The following LPIN1 variants were observed in gnomAD, a reference collection of about 807,000 sequenced individuals.
The protein encoded by LPIN1 is phosphatidate phosphatase LPIN1.
In LPIN1, 71 loss-of-function variants were observed where a neutral mutation model predicts 107.5. The observed-to-expected ratio is 0.66, with a 90% CI of 0.55 to 0.80. The LOEUF (loss-of-function observed/expected upper bound fraction) is 0.80. LPIN1 is among the 30% of genes least tolerant of loss of function. The pLI, the probability that LPIN1 is intolerant of heterozygous loss-of-function variation, is 0.00. For missense variants in LPIN1, 1,043 were observed against 1,160.6 expected (o/e 0.90, Z 1.47); for synonymous variants, 445 against 452.6 (o/e 0.98, Z 0.21).
chr2:11,699,154 ATTC>A (rs909767739), intron 1 of LPIN1, among the ~76,000 whole-genome samples: 36 of 152,230 alleles, frequency 2.4e-4, no homozygotes, highest in Admixed American at 3.9e-4. Flanking sequence ...GCCCAAGACA[ATTC>A]TTCTTCCAAT....
At chr2:11,769,005 G>A (rs11688529) in intron 3 of LPIN1, among the ~76,000 whole-genome samples, 26,907 of 152,116 alleles carry the variant, frequency 0.18, 2,476 homozygotes, top group Middle Eastern at 0.21. Context: ...CCTTGTAGCC[G>A]TTGTAAACAA....
At chr2:11,745,652 G>T (rs922982562), upstream of LPIN1, among the ~76,000 whole-genome samples, 3 of 152,256 alleles carry the variant, frequency 2.0e-5, no homozygotes, top group African/African-American at 7.2e-5. Context: ...GAAGGCTGCA[G>T]TGAACCGAGA....
rs945533261 is a variant in LPIN1, at chr2:11,803,617, T to C, written c.2013+584T>C. On this transcript the variant is annotated intron_variant, in intron 15 of 20. Transcript: ENST00000674199. The surrounding 1 kb of genome is among the most constrained non-coding windows in gnomAD (Gnocchi z 4.2). ...CTTGTGCATTTCTCCTAAGAGTTAG[T>C]GGGGAGCCTGGCTCAAGTGTGAGGG... Among the ~76,000 whole-genome samples, 1 of 152,142 alleles carries C rather than the reference T, an allele frequency of 6.6e-6. No individual in the cohort carries two copies. The highest frequency in any genetic ancestry group is 2.4e-5 in the African/African-American group (1 of 41,430).
At chr2:11,791,109 T>A (rs1336578049) in intron 12 of LPIN1, among the ~76,000 whole-genome samples, 1 of 152,226 alleles carries the variant, frequency 6.6e-6, no homozygotes, top group Non-Finnish European at 1.5e-5. Flanking sequence ...GCAGTTGGGT[T>A]TTCTTTTGTG....
intron 4 of LPIN1, among the ~76,000 whole-genome samples, chr2:11,772,271 G>T (rs1294292782): frequency 1.3e-5 from 2 of 152,312 alleles, no homozygotes; most frequent in East Asian, 3.9e-4. Context: ...ACAGGGGCAT[G>T]GACCCCAGGG....
intron 1 of LPIN1, among the ~76,000 whole-genome samples, chr2:11,735,116 A>AC (rs377608580): frequency 6.6e-6 from 1 of 152,036 alleles, no homozygotes; most frequent in Non-Finnish European, 1.5e-5. Flanking sequence ...ACACGGTGAA[A>AC]CCCCGTCTCT....
intron 17 of LPIN1, among the ~76,000 whole-genome samples, chr2:11,810,994 TC>T (rs1679550702): frequency 6.6e-6 from 1 of 152,180 alleles, no homozygotes. Flanking sequence ...AGAGCCCTGT[TC>T]CAGTTGCTGA....
intron 1 of LPIN1, chr2:11,764,076 G>GTATA (rs755597832): frequency 0.033 from 1,890 of 57,286 alleles, 54 homozygotes; most frequent in African/African-American, 0.13. Context: ...GTGTGTGTGT[G>GTATA]TGTATATATA....
chr2:11,691,661 G>T (rs527476965), intron 1 of LPIN1, among the ~76,000 whole-genome samples: 138 of 152,274 alleles, frequency 9.1e-4, no homozygotes, highest in African/African-American at 3.1e-3. Flanking sequence ...TGGATCAGAG[G>T]GGGTGATTCA....
At chr2:11,741,479 T>A (rs1666354975) in intron 2 of LPIN1, 4 of 1,343,016 alleles carry the variant, frequency 3.0e-6, no homozygotes. Context: ...TTATGACCAT[T>A]AGATAAATAA....
intron 13 of LPIN1, 95 bp from the exon 14 acceptor site, chr2:11,795,313 G>C: frequency 1.0e-6 from 1 of 982,802 alleles, no homozygotes; most frequent in Non-Finnish European, 1.6e-6. Context: ...TATCTTTAGG[G>C]GTCCTGCCTT....
chr2:11,749,156 C>T (rs1446977521), intron 1 of LPIN1, among the ~76,000 whole-genome samples: 1 of 152,152 alleles, frequency 6.6e-6, no homozygotes, highest in African/African-American at 2.4e-5. Context: ...TGGGACAAAA[C>T]CCAAGCAAAG....
intron 1 of LPIN1, among the ~76,000 whole-genome samples, chr2:11,725,117 C>T (rs560502315): frequency 3.8e-4 from 58 of 152,170 alleles, no homozygotes; most frequent in Middle Eastern, 6.8e-3. Flanking sequence ...AAACATTAGC[C>T]GGGCGTGTTG....
chr2:11,736,643 C>T (rs1267302364), intron 1 of LPIN1, among the ~76,000 whole-genome samples: 1 of 152,244 alleles, frequency 6.6e-6, no homozygotes, highest in Admixed American at 6.5e-5. Context: ...ATGTTTTCTT[C>T]TTTGGTAGAT....
chr2:11,766,068 T>A (rs1461020461), intron 2 of LPIN1, among the ~76,000 whole-genome samples: 2 of 152,194 alleles, frequency 1.3e-5, no homozygotes, highest in Non-Finnish European at 2.9e-5. Context: ...ACACTCACGT[T>A]CTTTGTGACT....
At chr2:11,705,045 G>T (rs1188353620) in intron 1 of LPIN1, among the ~76,000 whole-genome samples, 1 of 152,178 alleles carries the variant, frequency 6.6e-6, no homozygotes, top group Non-Finnish European at 1.5e-5. Context: ...AAAGCCCAAG[G>T]CATGAAGCCC....
At chr2:11,754,877 T>C (rs1668419641) in intron 1 of LPIN1, among the ~76,000 whole-genome samples, 1 of 152,232 alleles carries the variant, frequency 6.6e-6, no homozygotes, top group African/African-American at 2.4e-5. Flanking sequence ...CACAGCTGTT[T>C]ATTTAAACTG....
chr2:11,725,043 C>T (rs533822425), intron 1 of LPIN1, among the ~76,000 whole-genome samples: 2 of 152,248 alleles, frequency 1.3e-5, no homozygotes, highest in East Asian at 1.9e-4. Context: ...GGGCGGATCA[C>T]AAGGTCAGGA....
chr2:11,784,150 C>A (rs1305844636), intron 9 of LPIN1: 2 of 797,604 alleles, frequency 2.5e-6, no homozygotes, highest in East Asian at 4.3e-5. Flanking sequence ...CTGAAAATAC[C>A]AAAATTGGCT....
Sources: gnomAD v4.1 joint callset for allele counts (sites outside exome capture counted in the v4.1 genomes callset) on GRCh38, gnomAD v4.1.1 for gene constraint, Gnocchi (gnomAD v3.1) non-coding constraint, MANE v1.5 for transcripts, NCBI Gene and HGNC (gene_info 2026-07-23, HGNC 2026-07-21) for gene names.